Variants in NUP160 observed in about 807,000 individuals in gnomAD.
NUP160 encodes nuclear pore complex protein Nup160.
NUP160 carries 94 observed loss-of-function variants against 196.9 expected under a neutral mutation model. The observed-to-expected ratio is 0.48, with a 90% CI of 0.40 to 0.57. The LOEUF (loss-of-function observed/expected upper bound fraction) is 0.57. NUP160 is among the 20% of genes least tolerant of loss of function. NUP160 has a pLI of 0.00. For missense variants in NUP160, 1,638 were observed against 1,748.3 expected, an observed-to-expected ratio of 0.94 and a Z score of 1.13; for synonymous variants, 605 against 619.7, an observed-to-expected ratio of 0.98 and a Z score of 0.35.
rs1160945055 is a variant in NUP160 at position 47,847,884 on chromosome 11, T to G, written c.278A>C (p.Lys93Thr). The G allele has an allele frequency of 6.8e-6, 11 of 1,614,028 alleles. No homozygotes were observed. The South Asian group carries it at 1.2e-4, about 18-fold the overall frequency. ...CCTGTTTCTGGTTACGGAGAACAAC[T>G]TGCCACTCTCCACGTAGTAAAAGCC... Residue 93 changes from lysine to threonine, a missense_variant, in exon 2 of 36, where the codon AAG becomes ACG. Lys to Thr is a moderately conservative substitution (Grantham distance 78). Transcript: ENST00000378460.
At chr11:47,848,115 C>T (rs578258031) in intron 1 of NUP160, 104 bp downstream of exon 1, 23 of 1,376,146 alleles carry the variant, frequency 1.7e-5, no homozygotes, top group Admixed American at 3.4e-5. Context: ...GGGCTAGAGG[C>T]ATGTGGACTC....
At chr11:47,786,274 T>C (rs1182038648) in intron 32 of NUP160, among the ~76,000 whole-genome samples, 179 bp downstream of exon 32, 1 of 152,212 alleles carries the variant, frequency 6.6e-6, no homozygotes, top group African/African-American at 2.4e-5. Context: ...AAAGACATCC[T>C]AGTTTGGACA....
chr11:47,839,633 T>G, intron 4 of NUP160: 1 of 573,988 alleles, frequency 1.7e-6, no homozygotes. Context: ...CTTATACTTG[T>G]CTATTTGTTT....
intron 7 of NUP160, among the ~76,000 whole-genome samples, chr11:47,825,751 T>G (rs1851954216): frequency 6.6e-6 from 1 of 151,904 alleles, no homozygotes; most frequent in South Asian, 2.1e-4. Flanking sequence ...TACAGCCTAA[T>G]TTTTGTATTT....
At chr11:47,814,671 G>C (rs1357961382) in intron 13 of NUP160, among the ~76,000 whole-genome samples, 2 of 151,822 alleles carry the variant, frequency 1.3e-5, no homozygotes, top group Non-Finnish European at 2.9e-5. Flanking sequence ...ATAATATTAT[G>C]TCAATATCAA....
chr11:47,785,341 C>T (rs770017799), intron 32 of NUP160, among the ~76,000 whole-genome samples: 1 of 151,942 alleles, frequency 6.6e-6, no homozygotes, highest in African/African-American at 2.4e-5. Flanking sequence ...ATGTTGTCCA[C>T]GCTGGTATTA....
At position 47,782,304 on chromosome 11, in the gene NUP160, ATATATATATATATATATATATATATAT is replaced by A. The variant is rs1331873089; in HGVS notation, c.4116+742_4116+768del. 2.5e-3 allele frequency among the ~76,000 whole-genome samples: 130 copies of A among 52,146 alleles called. 13 individuals are homozygous for A. The Middle Eastern group carries it at 0.027, about 11-fold the overall frequency. 34.2% of individuals were successfully genotyped at this position (52,146 alleles called of 152,430 possible). Reference sequence around the variant, plus strand: ...AAAACTCAGTTAAAAAAAAAAAAAAATATATATATATATATATATATATATATATATATATATATATATATATATATA... The same window carrying A: ...AAAACTCAGTTAAAAAAAAAAAAAAAATATATATATATATATATATATATA... On this transcript the variant is annotated intron_variant, in intron 34 of 35. Coordinates refer to ENST00000378460, the Ensembl canonical transcript of NUP160.
intron 20 of NUP160, among the ~76,000 whole-genome samples, chr11:47,805,878 T>C (rs965924720): frequency 2.0e-5 from 3 of 152,146 alleles, no homozygotes; most frequent in African/African-American, 7.2e-5. Flanking sequence ...TGGAGTGTGG[T>C]GGCGCGAGCT....
chr11:47,823,445 A>C (rs200957151), intron 7 of NUP160, among the ~76,000 whole-genome samples: 1 of 152,108 alleles, frequency 6.6e-6, no homozygotes, highest in Admixed American at 6.6e-5. Context: ...GAAGGGTCAT[A>C]TATTATTTGT....
chr11:47,812,054 C>G lies in NUP160; in HGVS notation c.2241+10G>C. The G allele has an allele frequency of 6.2e-7, 1 of 1,613,356 alleles. No individual in the cohort carries two copies. The highest frequency in any genetic ancestry group is 8.5e-7 in the Non-Finnish European group (1 of 1,179,646). On this transcript the variant is annotated intron_variant, in intron 17 of 35. Transcript: ENST00000378460. ...TAGATTTTACAAGTTTTCCCTCAAG[C>G]AGTACTTACAGCATCTCCAAGCCTC...
intron 20 of NUP160, among the ~76,000 whole-genome samples, chr11:47,805,530 C>T (rs1329142640): frequency 6.6e-6 from 1 of 151,312 alleles, no homozygotes; most frequent in African/African-American, 2.4e-5. Context: ...CTGCAAGCTC[C>T]GCCTCCTGGG....
At chr11:47,794,914 A>AAAAC (rs752709887) in intron 27 of NUP160, among the ~76,000 whole-genome samples, 1 of 151,986 alleles carries the variant, frequency 6.6e-6, no homozygotes, top group African/African-American at 2.4e-5. Flanking sequence ...CTCTGTCTCG[A>AAAAC]AAACAAACAA....
Position 47,845,901 on chromosome 11 carries a change from G to A in NUP160, c.314+1947C>T, listed in dbSNP as rs12278252. 2.1e-3 allele frequency among the ~76,000 whole-genome samples: 322 copies of A among 152,264 alleles called. 1 individual carries two copies. Among genetic ancestry groups the A allele is most frequent in the African/African-American group, 7.3e-3 (305 of 41,558 alleles). ...TAATCCTAGCAAGTTGGGAGGCCGA[G>A]AACGGGGCACTGCTTGAGTCTGGCA... On this transcript the variant is annotated intron_variant, in intron 2 of 35. Transcript: ENST00000378460.
At chr11:47,835,530 A>G (rs1852155732) in intron 7 of NUP160, 121 bp downstream of exon 7, 1 of 703,332 alleles carries the variant, frequency 1.4e-6, no homozygotes, top group Non-Finnish European at 2.2e-6. Context: ...AAACCCAACC[A>G]TCACCTCAGA....
chr11:47,808,581 G>A (rs1232952458), intron 17 of NUP160, 52 bp from the exon 18 acceptor site: 2 of 1,505,498 alleles, frequency 1.3e-6, no homozygotes, highest in South Asian at 1.2e-5. Context: ...AATTAGTAAT[G>A]GTAACTCTTA....
rs572688910 is a variant in NUP160, at chr11:47,806,409, T to C, written c.2447-97A>G. The C allele has an allele frequency of 1.2e-5, 11 of 946,676 alleles. No homozygotes were observed. The South Asian group carries it at 1.8e-4, about 16-fold the overall frequency. 58.6% of individuals were successfully genotyped at this position (946,676 alleles called of 1,614,324 possible). A position where few individuals can be genotyped will look rare whatever the true frequency, so the allele number is the denominator to read the frequency against. On this transcript the variant is annotated intron_variant, in intron 19 of 35. Transcript: ENST00000378460. ...TTCATTTTATGCTTGTAACAAACAA[T>C]TTAGCACTTCAAAACAGAAAATGTA...
At chr11:47,816,759 G>T (rs543820807) in intron 11 of NUP160, among the ~76,000 whole-genome samples, 65 of 145,898 alleles carry the variant, frequency 4.5e-4, no homozygotes, top group African/African-American at 1.6e-3. Context: ...CTGGGCAACA[G>T]AGCGAGACCC....
At chr11:47,843,869 C>T (rs1395166079) in intron 2 of NUP160, among the ~76,000 whole-genome samples, 1 of 152,224 alleles carries the variant, frequency 6.6e-6, no homozygotes, top group African/African-American at 2.4e-5. Context: ...AACTTCTCCA[C>T]TCAACTCCTG....
chr11:47,789,602 A>G (rs1165443359), intron 29 of NUP160, among the ~76,000 whole-genome samples: 3 of 152,180 alleles, frequency 2.0e-5, no homozygotes, highest in Admixed American at 2.0e-4. Context: ...GACAACCTTT[A>G]GCAGATTAGA....
Sources: allele counts gnomAD v4.1 joint callset (sites outside exome capture counted in the v4.1 genomes callset), GRCh38; gene constraint gnomAD v4.1.1; transcripts MANE v1.5; gene names NCBI Gene and HGNC (gene_info 2026-07-23, HGNC 2026-07-21).